The following USP7 variants were observed in gnomAD, a reference collection of about 807,000 sequenced individuals.
USP7 encodes ubiquitin specific peptidase 7, also known as ubiquitin C-terminal hydrolase 7.
A neutral mutation model predicts 162.9 loss-of-function variants in USP7; 9 were observed. That is an observed-to-expected ratio of 0.06 (90% CI 0.03 to 0.10). The LOEUF (loss-of-function observed/expected upper bound fraction) is 0.10, where lower values mean the gene tolerates loss of function less well. Among genes scored for constraint, USP7 ranks in the 10% least tolerant of loss-of-function variants. The pLI, the probability that USP7 is intolerant of heterozygous loss-of-function variation, is 1.00. For synonymous variants in USP7, 562 were observed against 475.9 expected (o/e 1.18, Z -2.35); for missense variants, 715 against 1,373.7 (o/e 0.52, Z 7.58).
chr16:8,929,045 T>TA (rs35836333), intron 2 of USP7, among the ~76,000 whole-genome samples: 38,573 of 142,166 alleles, frequency 0.27, 6,414 homozygotes, highest in African/African-American at 0.5. Flanking sequence ...ACCTCCCCCC[T>TA]AAAAAAAAAA....
chr16:8,926,968 A>C (rs1898037905), intron 2 of USP7, among the ~76,000 whole-genome samples: 1 of 152,178 alleles, frequency 6.6e-6, no homozygotes. Flanking sequence ...TTGTTACAGC[A>C]ATTTTATCCT....
chr16:8,961,424 G>A (rs192560817), intron 1 of USP7, among the ~76,000 whole-genome samples: 6 of 148,154 alleles, frequency 4.0e-5, no homozygotes, highest in South Asian at 2.1e-4. Context: ...CCCGGGAGAC[G>A]GAGGTTGTAG....
At chr16:8,954,500 T>C (rs993505182) in intron 1 of USP7, among the ~76,000 whole-genome samples, 19 of 152,302 alleles carry the variant, frequency 1.2e-4, no homozygotes, top group Middle Eastern at 3.4e-3. Flanking sequence ...GATTTTAGGA[T>C]TACCCTGTTA....
At chr16:8,936,647 G>A (rs1206641656) in intron 1 of USP7, 2 of 1,554,136 alleles carry the variant, frequency 1.3e-6, no homozygotes, top group African/African-American at 2.7e-5. Context: ...TCTGCTGGGG[G>A]ATGGGGGAGG....
chr16:8,898,367 C>T lies in USP7; in HGVS notation c.2711G>A (p.Arg904Lys). 6.2e-7 allele frequency: 1 copy of T among 1,607,322 alleles called. No homozygotes were observed. The highest frequency in any genetic ancestry group is 8.5e-7 in the Non-Finnish European group (1 of 1,178,304). ...AGTATTAAAAAAACTTACCTCTTCC[C>T]TAAATTGGCTGTTTAACCATATACA... ...FKCIWLNSQF[R>K]EEEITLYPDK... The change falls in exon 25 of 31, where the codon AGG (arginine) becomes AAG (lysine). Residue 904 changes from arginine (R) to lysine (K), a missense_variant. Physicochemically the swap from Arg to Lys is conservative, Grantham distance 26. Coordinates refer to ENST00000344836, the MANE Select transcript of USP7 (RefSeq NM_003470.3).
intron 1 of USP7, among the ~76,000 whole-genome samples, chr16:8,957,008 C>T (rs1251036095): frequency 1.3e-5 from 2 of 152,162 alleles, no homozygotes; most frequent in Non-Finnish European, 2.9e-5. Context: ...GCCTCTGTCT[C>T]AGGAGTGTCA....
intron 5 of USP7, 117 bp from the exon 6 acceptor site, chr16:8,919,256 T>C (rs1203193035): frequency 1.6e-5 from 15 of 914,550 alleles, no homozygotes; most frequent in East Asian, 7.5e-5. Flanking sequence ...GGAACACTTA[T>C]CACACAGCAT....
At chr16:8,958,485 G>C (rs914864154) in intron 1 of USP7, among the ~76,000 whole-genome samples, 1 of 152,194 alleles carries the variant, frequency 6.6e-6, no homozygotes, top group Non-Finnish European at 1.5e-5. Context: ...TAAAGTGTGG[G>C]GTCAGGCAGG....
In USP7 at chr16:8,908,364, G is replaced by A; in HGVS notation, c.1248C>T (p.Asp416=). Residue 416 remains aspartate, a synonymous_variant, in exon 12 of 31, where the codon GAC becomes GAT. Coordinates refer to ENST00000344836, the MANE Select transcript of USP7 (RefSeq NM_003470.3). ...ACCTATCATTGATCTTGATATTTTG[G>A]TCCGTCTGAGGGTCATACATAAATC... ...LMRFMYDPQT[D]QNIKINDRFE... is the part of the protein sequence containing the mutation. 1 of 1,613,792 alleles carries A rather than the reference G, an allele frequency of 6.2e-7. No individual in the cohort carries two copies. The highest frequency in any genetic ancestry group is 1.1e-5 in the South Asian group (1 of 91,068).
chr16:8,906,168 G>A (rs1243771016), intron 13 of USP7, among the ~76,000 whole-genome samples: 2 of 152,232 alleles, frequency 1.3e-5, no homozygotes, highest in Non-Finnish European at 2.9e-5. Flanking sequence ...GAAAATATAA[G>A]TGTCTCATAT....
chr16:8,924,976 T>C (rs1480142446), intron 2 of USP7, among the ~76,000 whole-genome samples: 1 of 152,178 alleles, frequency 6.6e-6, no homozygotes, highest in Non-Finnish European at 1.5e-5. Flanking sequence ...CCTAATCCTT[T>C]TGAGGATAGA....
chr16:8,916,934 C>T, intron 7 of USP7, 92 bp downstream of exon 7: 2 of 1,399,978 alleles, frequency 1.4e-6, no homozygotes, highest in Non-Finnish European at 1.9e-6. Context: ...CTACAGTATG[C>T]TCTACTAACT....
intron 1 of USP7, among the ~76,000 whole-genome samples, chr16:8,950,092 A>T (rs556612499): frequency 6.6e-6 from 1 of 152,252 alleles, no homozygotes; most frequent in Non-Finnish European, 1.5e-5. Flanking sequence ...AATCTTATTC[A>T]ATTTAATTTT....
In USP7 at chr16:8,938,639, G is replaced by A. The variant is rs115935836; in HGVS notation, c.80-8242C>T. Among the ~76,000 whole-genome samples the A allele has an allele frequency of 8.7e-3, 1,322 of 151,520 alleles. 12 individuals carry two copies. The highest frequency in any genetic ancestry group is 0.03 in the African/African-American group (1,226 of 41,192). On this transcript the variant is annotated intron_variant, in intron 1 of 30. Coordinates refer to ENST00000344836, the MANE Select transcript of USP7 (RefSeq NM_003470.3). ...AGGCAGGAGAATGGCATGAACCTGG[G>A]AAGCAGAGTTGCAGTGAGCGGAGAT...
chr16:8,927,839 A>G (rs1030413690), intron 2 of USP7, among the ~76,000 whole-genome samples: 19 of 152,134 alleles, frequency 1.2e-4, no homozygotes, highest in African/African-American at 4.6e-4. Context: ...CTATCTCAAA[A>G]TAAAATAAAA....
intron 2 of USP7, chr16:8,929,284 C>A (rs532560337): frequency 2.6e-5 from 9 of 341,980 alleles, no homozygotes; most frequent in South Asian, 2.0e-4. Flanking sequence ...ACCAGCGAGA[C>A]CACACCCACA....
At chr16:8,945,714 T>G (rs1467618002) in intron 1 of USP7, among the ~76,000 whole-genome samples, 1 of 152,034 alleles carries the variant, frequency 6.6e-6, no homozygotes, top group East Asian at 1.9e-4. Flanking sequence ...TTCTAATATT[T>G]ATATGGAACA....
At position 8,963,255 on chromosome 16, in the gene USP7, TCTG is replaced by T. The variant is rs749570604; in HGVS notation, c.28_30del (p.Gln10del). On this transcript the variant is annotated inframe_deletion, in exon 1 of 31. Coordinates refer to ENST00000344836, the MANE Select transcript of USP7 (RefSeq NM_003470.3). The stretch of plus-strand genomic sequence containing the variant: ...TCGCTCAACTGCTGCTCGCCCGCTT[TCTG>T]CTGCTGCTGCTGCTGCTGGTGGTTC... 1,486 of 1,363,576 alleles carry T rather than the reference TCTG, an allele frequency of 1.1e-3. No individual in the cohort carries two copies. Among genetic ancestry groups the T allele is most frequent in the South Asian group, 2.7e-3 (190 of 70,760 alleles). 84.5% of individuals were successfully genotyped at this position (1,363,576 alleles called of 1,614,324 possible). A position where few individuals can be genotyped will look rare whatever the true frequency, so the allele number is the denominator to read the frequency against.
intron 25 of USP7, among the ~76,000 whole-genome samples, 159 bp downstream of exon 25, chr16:8,898,201 G>C (rs890850615): frequency 6.6e-6 from 1 of 152,160 alleles, no homozygotes; most frequent in Non-Finnish European, 1.5e-5. Context: ...GTCCTGCCAG[G>C]AGGCAGGAAA....
Sources: gnomAD v4.1 joint callset for allele counts (sites outside exome capture counted in the v4.1 genomes callset) on GRCh38, gnomAD v4.1.1 for gene constraint, MANE v1.5 for transcripts, NCBI Gene and HGNC (gene_info 2026-07-23, HGNC 2026-07-21) for gene names.